RIPOR2: variants seen among roughly 807,000 people sequenced by gnomAD.
RIPOR2 encodes the protein RHO family interacting cell polarization regulator 2.
In RIPOR2, 39 loss-of-function variants were observed where a neutral mutation model predicts 114.5. That is an observed-to-expected ratio of 0.34 (90% CI 0.26 to 0.44). The LOEUF (loss-of-function observed/expected upper bound fraction) is 0.44. Ranked by LOEUF, RIPOR2 falls within the 20% of genes least tolerant of loss-of-function variation. The pLI is 1.00. For synonymous variants in RIPOR2, 445 were observed against 484.4 expected (o/e 0.92, Z 1.07); for missense variants, 1,007 against 1,255.1 (o/e 0.80, Z 2.99).
In RIPOR2 at chr6:24,950,549, C is replaced by T. The variant is rs1167541944; in HGVS notation, c.77-74732G>A. 1.3e-5 allele frequency among the ~76,000 whole-genome samples: 2 copies of T among 152,126 alleles called. 1 individual carries two copies. Among genetic ancestry groups the T allele is most frequent in the Admixed American group, 1.3e-4 (2 of 15,252 alleles). ...TTTCCTTACGAAGTAAAAGGGAGCT[C>T]AGTGTGTCTGTCCTCACTTTACTGA... On this transcript the variant is annotated intron_variant, in intron 1 of 13. Coordinates refer to the RIPOR2 transcript ENST00000510784.
rs5875006 is a variant in RIPOR2 at position 24,806,511 on chromosome 6, C to CTT, written c.3044-39_3044-38insAA. On this transcript the variant is annotated intron_variant, in intron 21 of 21. Coordinates refer to ENST00000643898, the MANE Select transcript of RIPOR2 (RefSeq NM_001286445.3). ...CATTAAACATGAATACCAATTCAAA[C>CTT]AACGTTTTTATTAATTACTCAAAGT... 715,987 of 1,421,176 alleles carry CTT rather than the reference C, an allele frequency of 0.5. 186,399 individuals are homozygous for CTT. The highest frequency in any genetic ancestry group is 0.54 in the Non-Finnish European group (557,675 of 1,038,218). 88.0% of individuals were successfully genotyped at this position (1,421,176 alleles called of 1,614,324 possible).
At chr6:25,006,605 T>G (rs555861497) in intron 1 of RIPOR2, among the ~76,000 whole-genome samples, 45 of 152,340 alleles carry the variant, frequency 3.0e-4, no homozygotes, top group Middle Eastern at 6.8e-3. Flanking sequence ...TCATCCCCTG[T>G]GTCCTCCAGG....
upstream of RIPOR2, among the ~76,000 whole-genome samples, chr6:24,939,618 T>C (rs1158357972): frequency 6.6e-6 from 1 of 152,160 alleles, no homozygotes; most frequent in Non-Finnish European, 1.5e-5. Flanking sequence ...GAATCCATAT[T>C]AGAAAAGAAA....
intron 1 of RIPOR2, among the ~76,000 whole-genome samples, chr6:24,968,102 C>T (rs1009008487): frequency 6.6e-6 from 1 of 151,848 alleles, no homozygotes; most frequent in Non-Finnish European, 1.5e-5. Flanking sequence ...GATGGGGTGT[C>T]CCCATGTTGG....
At chr6:25,004,615 CAG>C (rs1775467614) in intron 1 of RIPOR2, among the ~76,000 whole-genome samples, 10 of 152,200 alleles carry the variant, frequency 6.6e-5, no homozygotes, top group Admixed American at 6.5e-4. Context: ...GCAGGCCAAT[CAG>C]AGAGATCCCA....
chr6:24,988,321 G>A (rs1411440690), intron 1 of RIPOR2, among the ~76,000 whole-genome samples: 3 of 152,134 alleles, frequency 2.0e-5, no homozygotes, highest in African/African-American at 7.2e-5. Flanking sequence ...AAGTAGCTGG[G>A]ATTACAGGTG....
At chr6:24,890,855 T>C (rs1193247478) in intron 1 of RIPOR2, among the ~76,000 whole-genome samples, 1 of 22 alleles carries the variant, frequency 0.045, no homozygotes, top group Non-Finnish European at 0.071. Context: ...AGGGTCTTGC[T>C]ATTTTGCCAG....
chr6:24,985,893 T>C (rs929537143), intron 1 of RIPOR2, among the ~76,000 whole-genome samples: 2 of 152,156 alleles, frequency 1.3e-5, no homozygotes, highest in African/African-American at 4.8e-5. Flanking sequence ...TCCAGGGGTA[T>C]AGAAAGACTG....
At chr6:24,865,650 T>A (rs1764531909) in intron 6 of RIPOR2, among the ~76,000 whole-genome samples, 200 bp from the exon 7 acceptor site, 1 of 152,216 alleles carries the variant, frequency 6.6e-6, no homozygotes, top group African/African-American at 2.4e-5. Flanking sequence ...GATTTTGCTC[T>A]AATCCTGTTT....
chr6:24,967,926 T>G (rs1773605815), intron 1 of RIPOR2, among the ~76,000 whole-genome samples: 1 of 150,732 alleles, frequency 6.6e-6, no homozygotes, highest in Admixed American at 6.6e-5. Flanking sequence ...TTTTTTTTTT[T>G]TTTTTAGATG....
intron 1 of RIPOR2, among the ~76,000 whole-genome samples, chr6:24,879,429 T>C (rs1404524757): frequency 6.6e-6 from 1 of 152,184 alleles, no homozygotes. Context: ...AGCAGTTTTG[T>C]TTTGTTTTGC....
At chr6:24,839,779 C>T in intron 13 of RIPOR2, 1 of 1,389,930 alleles carries the variant, frequency 7.2e-7, no homozygotes, top group Non-Finnish European at 9.3e-7. Flanking sequence ...TGAATACTGA[C>T]CAATCTCTAA....
At chr6:24,842,729 T>A (rs1761840524) in intron 13 of RIPOR2, 133 bp downstream of exon 13, 1 of 443,806 alleles carries the variant, frequency 2.3e-6, no homozygotes, top group African/African-American at 2.0e-5. Context: ...TAGTGCCATT[T>A]AAAATGATGA....
intron 1 of RIPOR2, among the ~76,000 whole-genome samples, chr6:24,890,670 T>G (rs1028001926): frequency 6.6e-6 from 1 of 151,828 alleles, no homozygotes; most frequent in Non-Finnish European, 1.5e-5. Flanking sequence ...TTTTTTTTTT[T>G]AAGAGACAAG....
chr6:24,821,784 C>A (rs1759723089), intron 19 of RIPOR2, among the ~76,000 whole-genome samples: 1 of 152,202 alleles, frequency 6.6e-6, no homozygotes, highest in African/African-American at 2.4e-5. Flanking sequence ...TGCCACTTGC[C>A]ATCAACCCCC....
chr6:24,920,022 C>T lies in RIPOR2; in HGVS notation c.61+15816G>A, dbSNP rs564969131. 4.6e-5 allele frequency among the ~76,000 whole-genome samples: 7 copies of T among 152,108 alleles called. No homozygotes were observed. The South Asian group carries it at 1.5e-3, about 32-fold the overall frequency. On this transcript the variant is annotated intron_variant, in intron 1 of 21. Coordinates refer to ENST00000643898, the MANE Select transcript of RIPOR2 (RefSeq NM_001286445.3). ...CTTACAGAAGGAAGAACAATTATTC[C>T]CCAGAATTAGAATAAAGAGAAGTGA...
chr6:24,995,800 A>ATTTTTT (rs35560241), intron 1 of RIPOR2, among the ~76,000 whole-genome samples: 29 of 136,716 alleles, frequency 2.1e-4, no homozygotes, highest in Admixed American at 5.1e-4. Flanking sequence ...AACTAGAGTG[A>ATTTTTT]TTTTTTTTTT....
chr6:24,996,425 T>C (rs1307697560), intron 1 of RIPOR2, among the ~76,000 whole-genome samples: 1 of 152,216 alleles, frequency 6.6e-6, no homozygotes, highest in Non-Finnish European at 1.5e-5. Flanking sequence ...GGGATCACAG[T>C]GAGCTCACCT....
intron 8 of RIPOR2, among the ~76,000 whole-genome samples, chr6:24,856,890 T>C (rs1763522337): frequency 6.6e-6 from 1 of 152,150 alleles, no homozygotes; most frequent in African/African-American, 2.4e-5. Context: ...GGGAAATCCT[T>C]TGAAGGTGTT....
Sources: allele counts gnomAD v4.1 joint callset (sites outside exome capture counted in the v4.1 genomes callset), GRCh38; gene constraint gnomAD v4.1.1; transcripts MANE v1.5; gene names NCBI Gene and HGNC (gene_info 2026-07-23, HGNC 2026-07-21).